NFIC: variants seen among roughly 807,000 people sequenced by gnomAD.
The protein encoded by NFIC is nuclear factor I C, also known as nuclear factor 1 C-type.
In NFIC, 12 loss-of-function variants were observed where a neutral mutation model predicts 54.4. The ratio of observed to expected loss-of-function variants is 0.22; its 90% CI spans 0.14 to 0.36. The LOEUF is 0.36. Ranked by LOEUF, NFIC falls within the 10% of genes least tolerant of loss-of-function variation. The probability of loss-of-function intolerance (pLI) is 1.00; values close to 1 mark genes in which losing one functional copy is unlikely to be tolerated. For synonymous variants in NFIC, 322 were observed against 319.2 expected, an observed-to-expected ratio of 1.01 and a Z score of -0.09; for missense variants, 575 against 718.2, an observed-to-expected ratio of 0.80 and a Z score of 2.28.
rs2082729684 is a variant in NFIC at position 3,467,293 on chromosome 19, A to G, written c.*4524A>G. 1 of 141,796 alleles carries G rather than the reference A, an allele frequency of 7.1e-6. No homozygotes were observed. Among genetic ancestry groups the G allele is most frequent in the Admixed American group, 7.3e-5 (1 of 13,616 alleles). 8.8% of individuals were successfully genotyped at this position (141,796 alleles called of 1,614,324 possible). ...AGGGAGGCCTCCCAAATATATGCAA[A>G]TTGTCCCCATTCCGTGGGGGCACCT... is the stretch of plus-strand genomic sequence containing the variant. On this transcript the variant is annotated 3_prime_UTR_variant, in exon 11 of 11. Coordinates refer to ENST00000443272, the MANE Select transcript of NFIC (RefSeq NM_001245002.2).
chr19:3,415,704 T>G (rs2081842793), intron 2 of NFIC, among the ~76,000 whole-genome samples: 1 of 152,072 alleles, frequency 6.6e-6, no homozygotes. Flanking sequence ...CCCTGCTGCC[T>G]TTTCGTAAAT....
chr19:3,444,780 T>C (rs1014014058), intron 6 of NFIC, among the ~76,000 whole-genome samples: 1 of 152,182 alleles, frequency 6.6e-6, no homozygotes, highest in Non-Finnish European at 1.5e-5. Flanking sequence ...GCCCTGCGCT[T>C]GCAGGGAGCT....
rs1238343282 is a variant in NFIC at position 3,463,002 on chromosome 19, CA to C, written c.*237del. On this transcript the variant is annotated 3_prime_UTR_variant, in exon 11 of 11. Coordinates refer to ENST00000443272, the MANE Select transcript of NFIC (RefSeq NM_001245002.2). ...ATAAAAACCCACCCAAGCAAGAAGA[CA>C]AAAGGTAAAGACGCAACGTTTCCAA... is the stretch of plus-strand genomic sequence containing the variant. The C allele has an allele frequency of 2.5e-5, 35 of 1,401,930 alleles. No individual in the cohort carries two copies. The highest frequency in any genetic ancestry group is 6.4e-5 in the Admixed American group (2 of 31,072). The allele number at this position is 1,401,930 out of a possible 1,614,324, so 86.8% of individuals were successfully genotyped here. A position where few individuals can be genotyped will look rare whatever the true frequency, so the allele number is the denominator to read the frequency against.
At chr19:3,443,968 T>C (rs1399203570) in intron 6 of NFIC, among the ~76,000 whole-genome samples, 1 of 152,204 alleles carries the variant, frequency 6.6e-6, no homozygotes, top group Admixed American at 6.5e-5. Context: ...GTAGGGCCCC[T>C]CCTGACCCCG....
rs1229299923 is a variant in NFIC, at chr19:3,465,126, C to T, written c.*2357C>T. On this transcript the variant is annotated 3_prime_UTR_variant, in exon 11 of 11. Coordinates refer to ENST00000443272, the MANE Select transcript of NFIC (RefSeq NM_001245002.2). ...CCTGGCTCTATCTCCCTGTTCCTCG[C>T]CCCCTCCACCCCCCACTTCCTCTTT... is the stretch of plus-strand genomic sequence containing the variant. 5 of 146,812 alleles carry T rather than the reference C, an allele frequency of 3.4e-5. No homozygotes were observed. Among genetic ancestry groups the T allele is most frequent in the Non-Finnish European group, 7.5e-5 (5 of 66,842 alleles). 9.1% of individuals were successfully genotyped at this position (146,812 alleles called of 1,614,324 possible).
At position 3,435,064 on chromosome 19, in the gene NFIC, C is replaced by T; in HGVS notation, c.834-19C>T. On this transcript the variant is annotated intron_variant, in intron 5 of 10. Coordinates refer to ENST00000443272, the MANE Select transcript of NFIC (RefSeq NM_001245002.2). ...GCGTCTCCCTGGTAACCAGCCTCTC[C>T]CCTTCCCTCGCCCATAAGGAGCAAG... The T allele has an allele frequency of 6.4e-7, 1 of 1,574,596 alleles. No individual in the cohort carries two copies. Among genetic ancestry groups the T allele is most frequent in the Non-Finnish European group, 8.7e-7 (1 of 1,154,786 alleles).
At chr19:3,395,134 G>A (rs1340009064) in intron 2 of NFIC, among the ~76,000 whole-genome samples, 1 of 152,078 alleles carries the variant, frequency 6.6e-6, no homozygotes, top group Non-Finnish European at 1.5e-5. Flanking sequence ...CGAGACGGGC[G>A]GATCTCCCGA....
chr19:3,429,253 T>TACACAC (rs57948823), intron 3 of NFIC, among the ~76,000 whole-genome samples: 5,537 of 50,424 alleles, frequency 0.11, 760 homozygotes, highest in Middle Eastern at 0.14. Flanking sequence ...AAAAAATATA[T>TACACAC]ACACACACAC....
chr19:3,460,993 C>T (rs1012344411), intron 10 of NFIC, among the ~76,000 whole-genome samples: 2 of 151,732 alleles, frequency 1.3e-5, no homozygotes, highest in African/African-American at 4.8e-5. Flanking sequence ...GGTGTGATGG[C>T]GCATGCGTGT....
At chr19:3,439,372 A>T (rs112446658) in intron 6 of NFIC, among the ~76,000 whole-genome samples, 1,347 of 130,620 alleles carry the variant, frequency 0.01, 43 homozygotes, top group African/African-American at 0.037. Context: ...AAAAAAAAAA[A>T]AAAGGCTCAC....
At chr19:3,432,319 C>A (rs1477607377) in intron 3 of NFIC, among the ~76,000 whole-genome samples, 1 of 152,166 alleles carries the variant, frequency 6.6e-6, no homozygotes, top group African/African-American at 2.4e-5. Flanking sequence ...GCCTCCCATT[C>A]AACCCCCCAT....
chr19:3,462,698 C>G, intron 10 of NFIC, 54 bp from the exon 11 acceptor site: 2 of 1,595,332 alleles, frequency 1.3e-6, no homozygotes, highest in South Asian at 2.2e-5. Context: ...TCTGACCCCT[C>G]GACTTCTCTC....
chr19:3,420,227 A>G (rs960837607), intron 2 of NFIC, among the ~76,000 whole-genome samples: 4 of 152,006 alleles, frequency 2.6e-5, no homozygotes, highest in Non-Finnish European at 4.4e-5. Flanking sequence ...AAGCTCAGAT[A>G]GGAGGATGGC....
At chr19:3,404,132 C>A (rs1386522802) in intron 2 of NFIC, among the ~76,000 whole-genome samples, 2 of 152,068 alleles carry the variant, frequency 1.3e-5, no homozygotes, top group Non-Finnish European at 2.9e-5. Flanking sequence ...CGAGGCCTGC[C>A]CTTCTCCCCC....
At chr19:3,429,249 T>TACAC (rs1568443742) in intron 3 of NFIC, among the ~76,000 whole-genome samples, 6 of 27,152 alleles carry the variant, frequency 2.2e-4, no homozygotes, top group Non-Finnish European at 4.2e-4. Context: ...AAAAAAAAAA[T>TACAC]ATATACACAC....
intron 2 of NFIC, among the ~76,000 whole-genome samples, chr19:3,385,847 C>T (rs1469999423): frequency 6.6e-6 from 1 of 151,960 alleles, no homozygotes; most frequent in Non-Finnish European, 1.5e-5. Flanking sequence ...GCTGGGATTA[C>T]AGGCGTGAGC....
At chr19:3,387,187 GCCA>G (rs1317947538) in intron 2 of NFIC, among the ~76,000 whole-genome samples, 1 of 152,180 alleles carries the variant, frequency 6.6e-6, no homozygotes, top group Non-Finnish European at 1.5e-5. Context: ...GCTGAAAGGA[GCCA>G]CCACTTGCAA....
intron 9 of NFIC, among the ~76,000 whole-genome samples, chr19:3,454,590 C>G (rs572373862): frequency 2.8e-4 from 43 of 152,182 alleles, no homozygotes; most frequent in African/African-American, 9.6e-4. Context: ...CCACCCCATT[C>G]GTCCGCAGTG....
Position 3,387,472 on chromosome 19 carries a change from A to G in NFIC, c.562+5229A>G, listed in dbSNP as rs141030739. On this transcript the variant is annotated intron_variant, in intron 2 of 10. Coordinates refer to ENST00000443272, the MANE Select transcript of NFIC (RefSeq NM_001245002.2). The stretch of plus-strand genomic sequence containing the variant: ...GATCGCGACACTGCACTCCAGCCTG[A>G]GCGACAGAGTGAGACTCTGTCTCAA... 5.0e-3 allele frequency among the ~76,000 whole-genome samples: 758 copies of G among 152,102 alleles called. 9 individuals are homozygous for G. The highest frequency in any genetic ancestry group is 0.018 in the African/African-American group (729 of 41,494).
Sources: gnomAD v4.1 joint callset for allele counts (sites outside exome capture counted in the v4.1 genomes callset) on GRCh38, gnomAD v4.1.1 for gene constraint, MANE v1.5 for transcripts, NCBI Gene and HGNC (gene_info 2026-07-23, HGNC 2026-07-21) for gene names.